The following RABGAP1 variants were observed in gnomAD, a reference collection of about 807,000 sequenced individuals.
The protein encoded by RABGAP1 is rab GTPase-activating protein 1.
Under a neutral mutation model 137.6 loss-of-function variants are expected in RABGAP1, and 23 were observed. The ratio of observed to expected loss-of-function variants is 0.17; its 90% CI spans 0.12 to 0.24. RABGAP1 has a LOEUF of 0.24. Among genes scored for constraint, RABGAP1 ranks in the 10% least tolerant of loss-of-function variants. RABGAP1 has a pLI of 1.00. For missense variants in RABGAP1, 906 were observed against 1,275.8 expected, an observed-to-expected ratio of 0.71 and a Z score of 4.42; for synonymous variants, 451 against 450.7, an observed-to-expected ratio of 1.00 and a Z score of -0.01.
chr9:123,083,027 CA>C (rs1299620069), intron 19 of RABGAP1, among the ~76,000 whole-genome samples: 17 of 152,280 alleles, frequency 1.1e-4, no homozygotes, highest in Admixed American at 2.0e-4. Context: ...TGCTCTCATA[CA>C]GTGAAATAAT....
chr9:123,076,134 T>A (rs1267982080), intron 17 of RABGAP1, 111 bp from the exon 18 acceptor site: 2 of 1,159,158 alleles, frequency 1.7e-6, no homozygotes, highest in Admixed American at 5.1e-5. Context: ...GATAATGCAT[T>A]TCCTTCCTTA....
At chr9:123,017,325 A>G (rs2031306716) in intron 12 of RABGAP1, among the ~76,000 whole-genome samples, 1 of 152,300 alleles carries the variant, frequency 6.6e-6, no homozygotes, top group South Asian at 2.1e-4. Flanking sequence ...TTTGTTATCA[A>G]GCTTTGTTAT....
chr9:123,049,686 A>G (rs1427832914), intron 13 of RABGAP1, among the ~76,000 whole-genome samples: 2 of 152,232 alleles, frequency 1.3e-5, no homozygotes, highest in Non-Finnish European at 2.9e-5. Context: ...ATACTGTCTA[A>G]TTGCAGATCC....
At chr9:123,019,303 G>A (rs548337020) in intron 12 of RABGAP1, among the ~76,000 whole-genome samples, 3 of 152,030 alleles carry the variant, frequency 2.0e-5, no homozygotes, top group African/African-American at 7.3e-5. Context: ...TTTTAACTTA[G>A]AACATATAAA....
In RABGAP1 at chr9:123,097,650, C is replaced by T; in HGVS notation, c.2629-91C>T. The T allele has an allele frequency of 4.7e-6, 5 of 1,071,602 alleles. No homozygotes were observed. The South Asian group carries it at 7.8e-5, about 17-fold the overall frequency. The allele number at this position is 1,071,602 out of a possible 1,614,324, so 66.4% of individuals were successfully genotyped here. ...TTCCCCTCTCTGAATCAGAGTTTCC[C>T]CATCATCTTAAAATGGGATTATGCT... On this transcript the variant is annotated intron_variant, in intron 21 of 25. Transcript: ENST00000373647.
chr9:123,082,569 A>G (rs2034743132), intron 19 of RABGAP1, among the ~76,000 whole-genome samples: 2 of 152,220 alleles, frequency 1.3e-5, no homozygotes, highest in Admixed American at 6.5e-5. Flanking sequence ...ATATGAGGCT[A>G]GTTTAGAAGA....
At chr9:123,003,492 A>G (rs570514537) in intron 10 of RABGAP1, among the ~76,000 whole-genome samples, 1 of 152,348 alleles carries the variant, frequency 6.6e-6, no homozygotes, top group South Asian at 2.1e-4. Flanking sequence ...TAGACTGAAA[A>G]GGAAACAATG....
chr9:123,016,544 A>T (rs1170628873), intron 12 of RABGAP1, among the ~76,000 whole-genome samples: 8 of 121,176 alleles, frequency 6.6e-5, no homozygotes, highest in South Asian at 3.5e-4. Context: ...AACAAAAAGA[A>T]TACATTGCCT....
intron 13 of RABGAP1, chr9:123,034,796 T>C: frequency 6.2e-7 from 1 of 1,613,986 alleles, no homozygotes; most frequent in Non-Finnish European, 8.5e-7. Flanking sequence ...GCTGACCTTT[T>C]TGTTGGGGTG....
rs1733477732 is a variant in RABGAP1, at chr9:123,070,304, A to G, written c.1909-46A>G. On this transcript the variant is annotated intron_variant, in intron 14 of 25. Transcript: ENST00000373647. The surrounding 1 kb of genome is among the most constrained non-coding windows in gnomAD (Gnocchi z 4.4). ...TCCTATAGTGCCACCATGGCCCACA[A>G]GTGGCTACATTCATTTACATTTCCT... The G allele has an allele frequency of 6.2e-7, 1 of 1,612,226 alleles. No homozygotes were observed. Among genetic ancestry groups the G allele is most frequent in the Admixed American group, 1.7e-5 (1 of 59,944 alleles).
At chr9:123,073,435 A>C (rs1471162466) in intron 15 of RABGAP1, 117 bp from the exon 16 acceptor site, 2 of 1,337,136 alleles carry the variant, frequency 1.5e-6, no homozygotes, top group African/African-American at 3.0e-5. Flanking sequence ...CATAGCACTA[A>C]ATTTTCTGGT....
chr9:123,035,831 A>C, intron 13 of RABGAP1: 1 of 480,534 alleles, frequency 2.1e-6, no homozygotes, highest in Non-Finnish European at 3.6e-6. Context: ...AAGACTCAAG[A>C]TCATGAAGAC....
At chr9:123,102,979 C>T in intron 25 of RABGAP1, 112 bp from the exon 26 acceptor site, 1 of 1,372,544 alleles carries the variant, frequency 7.3e-7, no homozygotes. Flanking sequence ...GGGGGAATTC[C>T]CCGAGGCCTC....
intron 14 of RABGAP1, among the ~76,000 whole-genome samples, chr9:123,068,217 G>C (rs528646682): frequency 1.3e-5 from 2 of 152,120 alleles, no homozygotes; most frequent in East Asian, 3.9e-4. Flanking sequence ...GGGCATGGTG[G>C]TGGGCATATG....
intron 24 of RABGAP1, among the ~76,000 whole-genome samples, chr9:123,100,804 T>TA (rs1440341925): frequency 1.3e-5 from 2 of 152,134 alleles, no homozygotes; most frequent in African/African-American, 4.8e-5. Flanking sequence ...GAAGAGTAAA[T>TA]AAGGGAAAAA....
rs751244686 is a variant in RABGAP1 at position 123,101,695 on chromosome 9, C to T, written c.3019C>T (p.Leu1007=). 6.2e-7 allele frequency: 1 copy of T among 1,613,878 alleles called. No homozygotes were observed. Among genetic ancestry groups the T allele is most frequent in the Non-Finnish European group, 8.5e-7 (1 of 1,179,930 alleles). ...AGAGAAAGAGACGCTCAAGAACCAG[C>T]TGAGAGAAATGGAGCTAGAACTGGC... ...DEEKETLKNQ[L]REMELELAQT... Residue 1007 remains leucine, a synonymous_variant, in exon 25 of 26, where the codon CTG becomes TTG. Transcript: ENST00000373647.
At chr9:123,052,187 A>G (rs1037603573) in intron 13 of RABGAP1, among the ~76,000 whole-genome samples, 2 of 152,142 alleles carry the variant, frequency 1.3e-5, no homozygotes, top group African/African-American at 4.8e-5. Flanking sequence ...CTTTTACAAT[A>G]TGTTCATTTG....
chr9:123,002,485 A>G (rs905482934), intron 10 of RABGAP1, among the ~76,000 whole-genome samples: 6 of 151,408 alleles, frequency 4.0e-5, no homozygotes, highest in Admixed American at 1.3e-4. Flanking sequence ...TTTAGTGAAC[A>G]TAAATAAGAT....
intron 2 of RABGAP1, among the ~76,000 whole-genome samples, chr9:122,963,415 G>T (rs1834958523): frequency 6.6e-6 from 1 of 152,098 alleles, no homozygotes; most frequent in Non-Finnish European, 1.5e-5. Flanking sequence ...TTCTTTTCAA[G>T]TGCACCCAAA....
Sources: allele counts gnomAD v4.1 joint callset (sites outside exome capture counted in the v4.1 genomes callset), GRCh38; gene constraint gnomAD v4.1.1; non-coding constraint Gnocchi (gnomAD v3.1); transcripts MANE v1.5; gene names NCBI Gene and HGNC (gene_info 2026-07-23, HGNC 2026-07-21).